The following MAST4 variants were observed in gnomAD, a reference collection of about 807,000 sequenced individuals.
MAST4 encodes the protein microtubule associated serine/threonine kinase family member 4.
In MAST4, 89 loss-of-function variants were observed where a neutral mutation model predicts 162.7. That is an observed-to-expected ratio of 0.55 (90% CI 0.46 to 0.65). The LOEUF is 0.65. MAST4 is among the 30% of genes least tolerant of loss of function. The probability of loss-of-function intolerance (pLI) is 0.00; values close to 1 mark genes in which losing one functional copy is unlikely to be tolerated. For missense variants in MAST4, 3,153 were observed against 3,374.0 expected (o/e 0.93, Z 1.62); for synonymous variants, 1,479 against 1,361.1 (o/e 1.09, Z -1.91).
intron 4 of MAST4, among the ~76,000 whole-genome samples, chr5:66,948,333 G>T (rs1744272259): frequency 6.6e-6 from 1 of 152,134 alleles, no homozygotes; most frequent in African/African-American, 2.4e-5. Context: ...GAGGGGGAAG[G>T]CATTACTAGC....
intron 1 of MAST4, among the ~76,000 whole-genome samples, chr5:66,748,874 G>T (rs57535610): frequency 0.017 from 2,614 of 151,774 alleles, 88 homozygotes; most frequent in African/African-American, 0.06. Flanking sequence ...TCAATTAATA[G>T]GTCCCAGGAT....
intron 1 of MAST4, among the ~76,000 whole-genome samples, chr5:66,646,617 T>A (rs147746517): frequency 2.6e-4 from 40 of 152,336 alleles, no homozygotes; most frequent in African/African-American, 9.1e-4. Flanking sequence ...AGATATTTTT[T>A]AATTCTGTTT....
At chr5:66,851,605 A>C (rs115390664) in intron 3 of MAST4, among the ~76,000 whole-genome samples, 4,500 of 152,256 alleles carry the variant, frequency 0.03, 230 homozygotes, top group African/African-American at 0.1. Flanking sequence ...CTTCAGAGTC[A>C]CCGTTTTCTT....
chr5:67,050,469 C>G (rs954733993), intron 4 of MAST4, among the ~76,000 whole-genome samples: 1 of 152,204 alleles, frequency 6.6e-6, no homozygotes, highest in Non-Finnish European at 1.5e-5. Flanking sequence ...CCTCAAGGTC[C>G]TATCATCAGA....
intron 1 of MAST4, among the ~76,000 whole-genome samples, chr5:66,666,508 T>C (rs960783855): frequency 6.6e-6 from 1 of 152,246 alleles, no homozygotes; most frequent in Admixed American, 6.5e-5. Flanking sequence ...ATTTGCTTTT[T>C]TCATTTGACT....
chr5:66,650,766 T>C (rs1168188488), intron 1 of MAST4, among the ~76,000 whole-genome samples: 1 of 152,162 alleles, frequency 6.6e-6, no homozygotes, highest in East Asian at 1.9e-4. Flanking sequence ...TTAACACAAA[T>C]ACATAACATG....
Position 66,779,739 on chromosome 5 carries a change from A to T in MAST4, c.518-8931A>T, listed in dbSNP as rs1754766709. Among the ~76,000 whole-genome samples the T allele has an allele frequency of 3.9e-5, 6 of 152,344 alleles. No individual in the cohort carries two copies. In the South Asian group the frequency reaches 1.0e-3, roughly 26 times the overall value. On this transcript the variant is annotated intron_variant, in intron 2 of 28. Transcript: ENST00000403625. ...AATGTTTAGGAGTGAGCAATGGGGC[A>T]GAGAAGAAGAATCACTTGATGGTGA...
At chr5:66,921,072 C>A (rs1202429836) in intron 4 of MAST4, among the ~76,000 whole-genome samples, 3 of 151,998 alleles carry the variant, frequency 2.0e-5, no homozygotes, top group African/African-American at 7.2e-5. Flanking sequence ...AGTTGGGATG[C>A]ACTAGAATAA....
chr5:66,860,790 A>G (rs1256821794), intron 3 of MAST4, among the ~76,000 whole-genome samples: 2 of 151,056 alleles, frequency 1.3e-5, no homozygotes, highest in Non-Finnish European at 3.0e-5. Context: ...AAAAAAACAA[A>G]CAAACCAAGT....
intron 3 of MAST4, among the ~76,000 whole-genome samples, chr5:66,888,623 G>T (rs1395292889): frequency 1.3e-5 from 2 of 152,082 alleles, no homozygotes; most frequent in Non-Finnish European, 2.9e-5. Flanking sequence ...TAAAAAATTG[G>T]TTCATAAAAG....
At chr5:66,738,797 A>G (rs1378871389) in intron 1 of MAST4, among the ~76,000 whole-genome samples, 2 of 152,198 alleles carry the variant, frequency 1.3e-5, no homozygotes, top group Non-Finnish European at 2.9e-5. Context: ...GAACCACACC[A>G]TACTTTTAGG....
At chr5:66,860,538 A>C (rs79822835) in intron 3 of MAST4, among the ~76,000 whole-genome samples, 7,362 of 152,152 alleles carry the variant, frequency 0.048, 277 homozygotes, top group South Asian at 0.15. Flanking sequence ...CAGAAATCTT[A>C]CAATGTTTCT....
intron 5 of MAST4, among the ~76,000 whole-genome samples, chr5:67,062,812 TA>T (rs923445463): frequency 4.0e-5 from 6 of 151,632 alleles, no homozygotes; most frequent in African/African-American, 1.2e-4. Context: ...ATTTCCTTTT[TA>T]AAAAAAAATA....
At chr5:66,616,198 A>G (rs1743669533) in intron 1 of MAST4, among the ~76,000 whole-genome samples, 1 of 152,194 alleles carries the variant, frequency 6.6e-6, no homozygotes, top group East Asian at 1.9e-4. Context: ...ACTCTAGGAA[A>G]GAGGTCCGTC....
intron 1 of MAST4, among the ~76,000 whole-genome samples, chr5:66,693,158 G>A (rs557842946): frequency 1.3e-5 from 2 of 152,166 alleles, no homozygotes; most frequent in African/African-American, 4.8e-5. Flanking sequence ...GAATTTAGCA[G>A]CCAATCCCCC....
chr5:66,928,013 C>A (rs1227004929), intron 4 of MAST4, among the ~76,000 whole-genome samples: 1 of 152,120 alleles, frequency 6.6e-6, no homozygotes, highest in African/African-American at 2.4e-5. Flanking sequence ...ATCCCTGTGT[C>A]AAAATTCCAC....
intron 4 of MAST4, among the ~76,000 whole-genome samples, chr5:66,945,550 C>T (rs1423116344): frequency 4.6e-5 from 7 of 152,018 alleles, no homozygotes; most frequent in African/African-American, 1.4e-4. Flanking sequence ...GTGGGGACTG[C>T]CCCTCAGAGA....
intron 3 of MAST4, among the ~76,000 whole-genome samples, chr5:66,861,239 G>A (rs1760093375): frequency 6.6e-6 from 1 of 152,114 alleles, no homozygotes; most frequent in African/African-American, 2.4e-5. Context: ...TGTAAAAAAT[G>A]CTTAAAATCC....
At chr5:66,845,118 T>TACAC (rs1354075006) in intron 3 of MAST4, among the ~76,000 whole-genome samples, 1 of 129,744 alleles carries the variant, frequency 7.7e-6, no homozygotes, top group African/African-American at 3.1e-5. Context: ...TATATATATA[T>TACAC]ATATATATAC....
Sources: gnomAD v4.1 joint callset for allele counts (sites outside exome capture counted in the v4.1 genomes callset) on GRCh38, gnomAD v4.1.1 for gene constraint, MANE v1.5 for transcripts, NCBI Gene and HGNC (gene_info 2026-07-23, HGNC 2026-07-21) for gene names.